Variants in NAT10 observed in about 807,000 individuals in gnomAD.
The protein encoded by NAT10 is RNA cytidine acetyltransferase.
A neutral mutation model predicts 132.2 loss-of-function variants in NAT10; 109 were observed. The observed-to-expected ratio is 0.82, with a 90% CI of 0.71 to 0.97. NAT10 has a LOEUF of 0.97. NAT10 is among the 50% of genes least tolerant of loss of function. The pLI is 0.00. For synonymous variants in NAT10, 479 were observed against 478.0 expected (o/e 1.00, Z -0.03); for missense variants, 1,184 against 1,263.4 (o/e 0.94, Z 0.95).
Position 34,122,562 on chromosome 11 carries a change from G to A in NAT10, c.884G>A (p.Gly295Glu). ...ARGRGKSAAL[G>E]LAIAGAVAFG... Reference sequence around the variant, plus strand: ...GGACGGGGAAAATCTGCAGCCCTGGGATTGGCGATTGCTGGGGCGGTGGCA... The same window carrying A: ...GGACGGGGAAAATCTGCAGCCCTGGAATTGGCGATTGCTGGGGCGGTGGCA... Residue 295 changes from glycine (G) to glutamate (E), a missense_variant, in exon 9 of 29, where the codon GGA becomes GAA. Physicochemically the swap from Gly to Glu is moderately conservative, Grantham distance 98. Coordinates refer to ENST00000257829, the MANE Select transcript of NAT10 (RefSeq NM_024662.3). 1.2e-6 allele frequency: 2 copies of A among 1,614,176 alleles called. No individual in the cohort carries two copies. Among genetic ancestry groups the A allele is most frequent in the Non-Finnish European group, 1.7e-6 (2 of 1,180,044 alleles).
chr11:34,141,304 G>A, intron 25 of NAT10, 96 bp downstream of exon 25: 3 of 1,544,586 alleles, frequency 1.9e-6, no homozygotes, highest in Non-Finnish European at 1.8e-6. Flanking sequence ...GCATTTAGCT[G>A]TGTTTGCTGC....
rs1476171182 is a variant in NAT10, at chr11:34,141,754, G to A, written c.2748G>A (p.Glu916=). 1.2e-6 allele frequency: 2 copies of A among 1,614,086 alleles called. No homozygotes were observed. Among genetic ancestry groups the A allele is most frequent in the South Asian group, 2.2e-5 (2 of 91,078 alleles). The stretch of plus-strand genomic sequence containing the variant: ...AAGTTCAGGAAAAGGCCATTGAGGA[G>A]CAGATGGTGGCAGCGAAGGATGTGG... ...FNEVQEKAIE[E]QMVAAKDVVM... The change falls in exon 26 of 29, where the codon GAG becomes GAA. Residue 916 remains glutamate, a synonymous_variant. Transcript: ENST00000257829.
At chr11:34,134,484 A>G (rs779357942) in intron 17 of NAT10, 28 bp from the exon 18 acceptor site, 1 of 1,613,918 alleles carries the variant, frequency 6.2e-7, no homozygotes, top group Admixed American at 1.7e-5. Flanking sequence ...CTGTGTTGCT[A>G]AGTTACTGGT....
chr11:34,132,960 T>C, intron 15 of NAT10, 66 bp from the exon 16 acceptor site: 1 of 1,311,382 alleles, frequency 7.6e-7, no homozygotes, highest in Non-Finnish European at 1.1e-6. Context: ...TGGTTCTGAA[T>C]CGAACCTTTT....
In NAT10 at chr11:34,127,445, A is replaced by G. The variant is rs116150016; in HGVS notation, c.1108-18A>G. 2 of 1,584,298 alleles carry G rather than the reference A, an allele frequency of 1.3e-6. No homozygotes were observed. Among genetic ancestry groups the G allele is most frequent in the South Asian group, 2.3e-5 (2 of 88,768 alleles). On this transcript the variant is annotated intron_variant, in intron 11 of 28. Coordinates refer to ENST00000257829, the MANE Select transcript of NAT10 (RefSeq NM_024662.3). ...ATGAGTTCACTATGCTAATAATCTA[A>G]ATTTTCCTTCCCCATAGTATATACA...
At chr11:34,122,787 G>A (rs537868416) in intron 9 of NAT10, among the ~76,000 whole-genome samples, 195 bp downstream of exon 9, 1 of 152,294 alleles carries the variant, frequency 6.6e-6, no homozygotes, top group African/African-American at 2.4e-5. Flanking sequence ...AAAGGTGCAT[G>A]TTTACTTGTG....
intron 23 of NAT10, among the ~76,000 whole-genome samples, chr11:34,139,739 G>T (rs1852286732): frequency 6.6e-6 from 1 of 152,108 alleles, no homozygotes. Context: ...TCATGTAGCT[G>T]GTTGGTTATG....
In NAT10 at chr11:34,140,560, T is replaced by A; in HGVS notation, c.2580T>A (p.Ser860=). Residue 860 remains serine (S), a synonymous_variant, in exon 24 of 29, where the codon TCT becomes TCA. Transcript: ENST00000257829. ...FLNQLGDLAL[S]AAQSALLLGI... ...ACCAGCTGGGGGACCTGGCCCTGTCTGCGGCTCAGTCGGTATGCTATCTGT... is the reference window on the plus strand; with the variant it reads ...ACCAGCTGGGGGACCTGGCCCTGTCAGCGGCTCAGTCGGTATGCTATCTGT... 6.2e-7 allele frequency: 1 copy of A among 1,614,042 alleles called. No individual in the cohort carries two copies. Among genetic ancestry groups the A allele is most frequent in the Non-Finnish European group, 8.5e-7 (1 of 1,179,918 alleles).
chr11:34,117,707 A>G (rs1260337773), intron 6 of NAT10, among the ~76,000 whole-genome samples: 2 of 152,024 alleles, frequency 1.3e-5, no homozygotes, highest in Non-Finnish European at 2.9e-5. Context: ...TTTGTATTGT[A>G]TTTCTTTGGG....
rs1009393604 is a variant in NAT10 at position 34,105,784 on chromosome 11, G to C, written c.-24G>C. 1 of 152,432 alleles carries C rather than the reference G, an allele frequency of 6.6e-6. No homozygotes were observed. Among genetic ancestry groups the C allele is most frequent in the Admixed American group, 6.5e-5 (1 of 15,292 alleles). 9.4% of individuals were successfully genotyped at this position (152,432 alleles called of 1,614,324 possible). A position where few individuals can be genotyped will look rare whatever the true frequency, so the allele number is the denominator to read the frequency against. On this transcript the variant is annotated 5_prime_UTR_variant, in exon 1 of 29. Transcript: ENST00000257829. The stretch of plus-strand genomic sequence containing the variant: ...CCACTGGCTGGGATCCCCCGGGCTC[G>C]GGGCGCAGGTACCCAACGCGGGAGG...
chr11:34,146,416 T>C lies in NAT10; in HGVS notation c.*224T>C. ...CTTGATGGCTGGGCACTGCCATCTC[T>C]AGAATTGCCACGAGTCTCTCTCTTC... is the stretch of plus-strand genomic sequence containing the variant. On this transcript the variant is annotated 3_prime_UTR_variant, in exon 29 of 29. Transcript: ENST00000257829. 4.6e-6 allele frequency: 2 copies of C among 438,802 alleles called. No individual in the cohort carries two copies. Among genetic ancestry groups the C allele is most frequent in the Non-Finnish European group, 8.1e-6 (2 of 245,960 alleles). The allele number at this position is 438,802 out of a possible 1,614,324, so 27.2% of individuals were successfully genotyped here. A position where few individuals can be genotyped will look rare whatever the true frequency, so the allele number is the denominator to read the frequency against.
Position 34,130,874 on chromosome 11 carries a change from G to T in NAT10, c.1306G>T (p.Ala436Ser), listed in dbSNP as rs149021799. Residue 436 changes from alanine to serine, a missense_variant, in exon 13 of 29, where the codon GCC becomes TCC. Transcript: ENST00000257829. ...KLIQQLRQQS[A>S]QSQVSTTAEN... is the part of the protein sequence containing the mutation. ...AATTCAGCAGCTCCGTCAACAGAGC[G>T]CCCAGAGCCAGGTCAGCACCACTGC... 3 of 1,614,144 alleles carry T rather than the reference G, an allele frequency of 1.9e-6. No individual in the cohort carries two copies. The highest frequency in any genetic ancestry group is 2.7e-5 in the African/African-American group (2 of 75,048).
At position 34,131,042 on chromosome 11, in the gene NAT10, C is replaced by T. The variant is rs550384274; in HGVS notation, c.1369+105C>T. The T allele has an allele frequency of 2.1e-5, 31 of 1,501,412 alleles. No homozygotes were observed. The African/African-American group carries it at 3.2e-4, about 15-fold the overall frequency. 93.0% of individuals were successfully genotyped at this position (1,501,412 alleles called of 1,614,324 possible). ...TCATGGGAAGCACCAAACCTTCCCA[C>T]CATCAGGCTGAGAGGTTGAGTCCCC... is the stretch of plus-strand genomic sequence containing the variant. On this transcript the variant is annotated intron_variant, in intron 13 of 28. Coordinates refer to ENST00000257829, the MANE Select transcript of NAT10 (RefSeq NM_024662.3).
chr11:34,130,765 C>T (rs1232059948), intron 12 of NAT10, 48 bp from the exon 13 acceptor site: 3 of 1,610,210 alleles, frequency 1.9e-6, no homozygotes, highest in South Asian at 1.1e-5. Flanking sequence ...CCCTCCTAGA[C>T]AGTGGATTTG....
In NAT10 at chr11:34,139,232, G is replaced by C; in HGVS notation, c.2253G>C (p.Thr751=). Reference sequence around the variant, plus strand: ...AGCACTCGTGCATCATGCTGAAGACGCTCACTGATGAGGATGAGGCTGACC... The same window carrying C: ...AGCACTCGTGCATCATGCTGAAGACCCTCACTGATGAGGATGAGGCTGACC... ...TGEHSCIMLK[T]LTDEDEADQG... Residue 751 remains threonine, a synonymous_variant, in exon 22 of 29, where the codon ACG becomes ACC. Coordinates refer to ENST00000257829, the MANE Select transcript of NAT10 (RefSeq NM_024662.3). 1.9e-6 allele frequency: 3 copies of C among 1,614,074 alleles called. No individual in the cohort carries two copies. In the South Asian group the frequency reaches 3.3e-5, roughly 18 times the overall value.
intron 28 of NAT10, among the ~76,000 whole-genome samples, chr11:34,144,172 C>T (rs557626173): frequency 5.8e-4 from 89 of 152,220 alleles, no homozygotes; most frequent in East Asian, 1.2e-3. Context: ...CAGTGGCTCA[C>T]GCCTGTAATC....
chr11:34,122,225 C>T (rs983156673), intron 8 of NAT10, among the ~76,000 whole-genome samples: 1 of 152,094 alleles, frequency 6.6e-6, no homozygotes, highest in Non-Finnish European at 1.5e-5. Context: ...CAGACTGAAG[C>T]TGTAAATTTG....
intron 19 of NAT10, 127 bp from the exon 20 acceptor site, chr11:34,136,515 G>A (rs941277894): frequency 9.1e-7 from 1 of 1,095,150 alleles, no homozygotes; most frequent in Admixed American, 2.2e-5. Flanking sequence ...GAAAACCACA[G>A]CAATAAACCA....
chr11:34,127,259 G>A (rs1312514672), intron 11 of NAT10, among the ~76,000 whole-genome samples: 1 of 152,176 alleles, frequency 6.6e-6, no homozygotes, highest in African/African-American at 2.4e-5. Context: ...CATATGATCA[G>A]TGGCCGAACT....
Sources: gnomAD v4.1 joint callset for allele counts (sites outside exome capture counted in the v4.1 genomes callset) on GRCh38, gnomAD v4.1.1 for gene constraint, MANE v1.5 for transcripts, NCBI Gene and HGNC (gene_info 2026-07-23, HGNC 2026-07-21) for gene names.